The following RBPJ variants were observed in gnomAD, a reference collection of about 807,000 sequenced individuals.
RBPJ encodes recombination signal binding protein for immunoglobulin kappa J region.
Under a neutral mutation model 67.8 loss-of-function variants are expected in RBPJ, and 9 were observed. The ratio of observed to expected loss-of-function variants is 0.13; its 90% CI spans 0.08 to 0.23. The LOEUF (loss-of-function observed/expected upper bound fraction) is 0.23. RBPJ is among the 10% of genes least tolerant of loss of function. The pLI is 1.00. For missense variants in RBPJ, 305 were observed against 595.6 expected, an observed-to-expected ratio of 0.51 and a Z score of 5.08; for synonymous variants, 198 against 203.3, an observed-to-expected ratio of 0.97 and a Z score of 0.22.
intron 1 of RBPJ, among the ~76,000 whole-genome samples, chr4:26,286,636 A>T (rs1389584716): frequency 6.6e-6 from 1 of 152,106 alleles, no homozygotes; most frequent in Non-Finnish European, 1.5e-5. Context: ...GATTGGGGGA[A>T]CTTCAGGACC....
chr4:26,137,492 C>T, the RBPJ span, among the ~76,000 whole-genome samples: 406 of 152,336 alleles, frequency 2.7e-3, 4 homozygotes, highest in Non-Finnish European at 4.2e-3. Context: ...CTGCTAGCTG[C>T]CCATCAGAGT....
chr4:26,219,326 G>A (rs1718824967), intron 1 of RBPJ, among the ~76,000 whole-genome samples: 1 of 152,152 alleles, frequency 6.6e-6, no homozygotes, highest in South Asian at 2.1e-4. Context: ...TGGTGATTGT[G>A]ACAAGGATCA....
At chr4:26,193,907 C>G (rs1027791191) in intron 1 of RBPJ, among the ~76,000 whole-genome samples, 1 of 152,188 alleles carries the variant, frequency 6.6e-6, no homozygotes, top group Non-Finnish European at 1.5e-5. Flanking sequence ...ATTCTCTGGT[C>G]CTACCAAGCT....
chr4:26,416,816 A>G (rs1232461391), intron 4 of RBPJ, among the ~76,000 whole-genome samples: 1 of 152,314 alleles, frequency 6.6e-6, no homozygotes, highest in East Asian at 1.9e-4. Flanking sequence ...GTGATTTTAC[A>G]GATAGTACTA....
At chr4:26,179,382 C>T (rs1005906865) in intron 1 of RBPJ, among the ~76,000 whole-genome samples, 3 of 151,380 alleles carry the variant, frequency 2.0e-5, no homozygotes, top group Non-Finnish European at 4.4e-5. Flanking sequence ...CACTGTGGTC[C>T]CAGCTGTCAT....
chr4:26,326,023 A>G (rs369879985), intron 1 of RBPJ, among the ~76,000 whole-genome samples: 1 of 152,230 alleles, frequency 6.6e-6, no homozygotes, highest in East Asian at 1.9e-4. Context: ...ATATTCTTAT[A>G]CTTAGAAGAT....
At chr4:26,350,148 G>T (rs1726648773) in intron 1 of RBPJ, among the ~76,000 whole-genome samples, 1 of 152,088 alleles carries the variant, frequency 6.6e-6, no homozygotes, top group Admixed American at 6.5e-5. Context: ...TTTTCCTGTA[G>T]ATACTTTCTT....
chr4:26,316,428 CATATATACATTCATATACATTCAT>C (rs1314449978), upstream of RBPJ, among the ~76,000 whole-genome samples: 2 of 123,624 alleles, frequency 1.6e-5, no homozygotes, highest in African/African-American at 6.0e-5. Flanking sequence ...TATATACATT[CATATATACATTCATATACATTCAT>C]ATATACATTC....
chr4:26,203,245 G>T (rs1357287114), intron 1 of RBPJ, among the ~76,000 whole-genome samples: 6 of 152,120 alleles, frequency 3.9e-5, no homozygotes, highest in Non-Finnish European at 7.4e-5. Context: ...ATTACTGTGA[G>T]AATAAAATTA....
At chr4:26,208,258 G>A (rs1212614567) in intron 1 of RBPJ, among the ~76,000 whole-genome samples, 3 of 152,188 alleles carry the variant, frequency 2.0e-5, no homozygotes, top group African/African-American at 7.2e-5. Flanking sequence ...GATATTTGAG[G>A]CACAGAGTGG....
chr4:26,434,959 G>A (rs929136846), downstream of RBPJ: 1 of 152,116 alleles, frequency 6.6e-6, no homozygotes, highest in Non-Finnish European at 1.5e-5. Flanking sequence ...ATGTATTATC[G>A]TCTTTTATTT....
chr4:26,370,154 G>A (rs554964371), intron 1 of RBPJ, among the ~76,000 whole-genome samples: 1 of 152,036 alleles, frequency 6.6e-6, no homozygotes, highest in African/African-American at 2.4e-5. Flanking sequence ...TATAATAACT[G>A]GACCAGTGGT....
chr4:26,422,057 G>A (rs763128738), intron 5 of RBPJ, among the ~76,000 whole-genome samples: 1 of 152,024 alleles, frequency 6.6e-6, no homozygotes, highest in Non-Finnish European at 1.5e-5. Context: ...TTTTCCTGTT[G>A]TGGAATTCCA....
At position 26,243,351 on chromosome 4, in the gene RBPJ, C is replaced by G. The variant is rs143022328; in HGVS notation, c.-167+79737C>G. On this transcript the variant is annotated intron_variant, in intron 1 of 4. Transcript: ENST00000512351. Reference sequence around the variant, plus strand: ...AAAAATAAATGAAGTGAGTCTGTCACTGACAAAACAACTGACTGTATTTGT... The same window carrying G: ...AAAAATAAATGAAGTGAGTCTGTCAGTGACAAAACAACTGACTGTATTTGT... Among the ~76,000 whole-genome samples the G allele has an allele frequency of 5.0e-3, 769 of 152,294 alleles. 10 individuals carry two copies. Among genetic ancestry groups the G allele is most frequent in the African/African-American group, 0.018 (743 of 41,558 alleles).
intron 1 of RBPJ, among the ~76,000 whole-genome samples, chr4:26,359,311 C>T (rs1727751336): frequency 6.6e-6 from 1 of 151,804 alleles, no homozygotes; most frequent in African/African-American, 2.4e-5. Flanking sequence ...CGAACGTTTC[C>T]ATTGTATGGG....
chr4:26,339,886 G>A (rs1440594812), intron 1 of RBPJ, among the ~76,000 whole-genome samples: 1 of 152,110 alleles, frequency 6.6e-6, no homozygotes, highest in East Asian at 1.9e-4. Flanking sequence ...GGGCATGATG[G>A]CGGTTGCCTG....
intron 1 of RBPJ, among the ~76,000 whole-genome samples, chr4:26,364,306 T>C (rs969386804): frequency 6.6e-6 from 1 of 152,208 alleles, no homozygotes; most frequent in African/African-American, 2.4e-5. Context: ...TCTAATCAAG[T>C]TCCAAGATAG....
chr4:26,379,765 G>T (rs999781409), intron 1 of RBPJ, among the ~76,000 whole-genome samples: 1 of 152,082 alleles, frequency 6.6e-6, no homozygotes, highest in Non-Finnish European at 1.5e-5. Context: ...GTAGAGATGG[G>T]GGTCTTGCTT....
chr4:26,238,501 C>T (rs539941140), intron 1 of RBPJ, among the ~76,000 whole-genome samples: 1 of 152,330 alleles, frequency 6.6e-6, no homozygotes, highest in Non-Finnish European at 1.5e-5. Flanking sequence ...ATGCTTGGCA[C>T]ACTACAAGAG....
Sources: allele counts gnomAD v4.1 joint callset (sites outside exome capture counted in the v4.1 genomes callset), GRCh38; gene constraint gnomAD v4.1.1; transcripts MANE v1.5; gene names NCBI Gene and HGNC (gene_info 2026-07-23, HGNC 2026-07-21).